SLC35F1: variants seen among roughly 807,000 people sequenced by gnomAD.
SLC35F1 encodes the protein chromosome 6 open reading frame 169.
In SLC35F1, 14 loss-of-function variants were observed where a neutral mutation model predicts 48.7. The ratio of observed to expected loss-of-function variants is 0.29; its 90% CI spans 0.19 to 0.45. The LOEUF is 0.45. SLC35F1 is among the 20% of genes least tolerant of loss of function. SLC35F1 has a pLI of 1.00. For synonymous variants in SLC35F1, 190 were observed against 202.2 expected, an observed-to-expected ratio of 0.94 and a Z score of 0.51; for missense variants, 404 against 500.0, an observed-to-expected ratio of 0.81 and a Z score of 1.83.
chr6:118,048,995 A>G (rs1336305844), intron 1 of SLC35F1, among the ~76,000 whole-genome samples: 1 of 152,084 alleles, frequency 6.6e-6, no homozygotes, highest in South Asian at 2.1e-4. Context: ...AAAACAGCAT[A>G]GTACTGGTAC....
intron 3 of SLC35F1, 88 bp from the exon 4 acceptor site, chr6:118,266,907 T>C (rs2114620228): frequency 6.8e-7 from 1 of 1,468,342 alleles, no homozygotes; most frequent in South Asian, 1.2e-5. Context: ...GCAGAACCCT[T>C]TCTGCAGAAC....
intron 1 of SLC35F1, among the ~76,000 whole-genome samples, chr6:118,151,306 T>C (rs1582696296): frequency 6.6e-6 from 1 of 152,272 alleles, no homozygotes; most frequent in East Asian, 1.9e-4. Context: ...ACCATCACTT[T>C]TATGAGTATA....
chr6:118,203,525 TCTAA>T (rs1429864624), intron 2 of SLC35F1, among the ~76,000 whole-genome samples: 2 of 152,218 alleles, frequency 1.3e-5, no homozygotes, highest in East Asian at 3.9e-4. Context: ...CAGTGCTTAA[TCTAA>T]CTATCTCCCT....
intron 1 of SLC35F1, among the ~76,000 whole-genome samples, chr6:118,084,788 C>A (rs1292037133): frequency 6.6e-6 from 1 of 151,858 alleles, no homozygotes; most frequent in Non-Finnish European, 1.5e-5. Context: ...AATGGGGACC[C>A]TTGCTCCTTT....
intron 1 of SLC35F1, among the ~76,000 whole-genome samples, chr6:118,008,765 C>T (rs566517820): frequency 1.1e-4 from 16 of 152,248 alleles, no homozygotes; most frequent in Admixed American, 3.3e-4. Flanking sequence ...ATGGCAACAG[C>T]CTCTGTTTAA....
intron 1 of SLC35F1, among the ~76,000 whole-genome samples, chr6:118,088,103 T>A (rs778136123): frequency 1.3e-5 from 2 of 152,236 alleles, no homozygotes; most frequent in Non-Finnish European, 2.9e-5. Context: ...TAATAGTTAC[T>A]TTTAATGGTT....
intron 1 of SLC35F1, among the ~76,000 whole-genome samples, chr6:118,092,192 C>A (rs1773083746): frequency 6.6e-6 from 1 of 152,164 alleles, no homozygotes; most frequent in Non-Finnish European, 1.5e-5. Context: ...GAGACCTTTG[C>A]AGCAGCCCCT....
chr6:117,938,396 A>G (rs943130906), intron 1 of SLC35F1, among the ~76,000 whole-genome samples: 1 of 152,214 alleles, frequency 6.6e-6, no homozygotes, highest in Non-Finnish European at 1.5e-5. Context: ...CGAAACCTTG[A>G]TTTGTTCCAA....
chr6:118,085,919 T>C (rs9481766), intron 1 of SLC35F1, among the ~76,000 whole-genome samples: 2,068 of 152,236 alleles, frequency 0.014, 40 homozygotes, highest in African/African-American at 0.046. Context: ...CTATGCTGAC[T>C]TCTGATGATC....
At chr6:118,301,647 A>T (rs1264061872) in intron 7 of SLC35F1, among the ~76,000 whole-genome samples, 1 of 152,240 alleles carries the variant, frequency 6.6e-6, no homozygotes, top group African/African-American at 2.4e-5. Flanking sequence ...TACAATGTTT[A>T]GGCATCTATA....
chr6:118,217,841 C>T (rs187276820), intron 2 of SLC35F1, among the ~76,000 whole-genome samples: 376 of 152,238 alleles, frequency 2.5e-3, no homozygotes, highest in Non-Finnish European at 2.9e-3. Flanking sequence ...GCAATTTTCT[C>T]TCCCGGAAAT....
chr6:118,142,933 G>A (rs1750150764), intron 1 of SLC35F1, among the ~76,000 whole-genome samples: 1 of 152,016 alleles, frequency 6.6e-6, no homozygotes, highest in Non-Finnish European at 1.5e-5. Context: ...TCTAAAATGA[G>A]GCATAACTCT....
At chr6:118,266,349 C>G (rs1437432388) in intron 3 of SLC35F1, among the ~76,000 whole-genome samples, 2 of 152,052 alleles carry the variant, frequency 1.3e-5, no homozygotes, top group Non-Finnish European at 2.9e-5. Flanking sequence ...TTGCTATACT[C>G]TATTCAACTT....
chr6:118,230,073 G>A (rs1163367556), intron 2 of SLC35F1, among the ~76,000 whole-genome samples: 1 of 152,178 alleles, frequency 6.6e-6, no homozygotes, highest in Admixed American at 6.5e-5. Flanking sequence ...CAGGCATGGT[G>A]GCTCTTGCCT....
chr6:118,015,535 G>A lies in SLC35F1; in HGVS notation c.173+107636G>A, dbSNP rs188924998. On this transcript the variant is annotated intron_variant, in intron 1 of 7. Coordinates refer to ENST00000360388, the MANE Select transcript of SLC35F1 (RefSeq NM_001029858.4). ...CATTTAGCTCCCACAGAGAACATGCGGTGTTTGGGTTTCTGTTCCTGCATT... is the reference window on the plus strand; with the variant it reads ...CATTTAGCTCCCACAGAGAACATGCAGTGTTTGGGTTTCTGTTCCTGCATT... 3.4e-3 allele frequency among the ~76,000 whole-genome samples: 513 copies of A among 151,374 alleles called. 2 individuals are homozygous for A. Among genetic ancestry groups the A allele is most frequent in the South Asian group, 0.013 (60 of 4,740 alleles).
chr6:118,167,650 G>C (rs1456488866), intron 2 of SLC35F1, among the ~76,000 whole-genome samples: 1 of 152,166 alleles, frequency 6.6e-6, no homozygotes, highest in Non-Finnish European at 1.5e-5. Context: ...TGCAAGGCTG[G>C]AAATTGCTCT....
At chr6:118,058,925 T>G (rs1163972560) in intron 1 of SLC35F1, among the ~76,000 whole-genome samples, 1 of 152,192 alleles carries the variant, frequency 6.6e-6, no homozygotes, top group Non-Finnish European at 1.5e-5. Flanking sequence ...CTACTGAAAT[T>G]TTTTGTGGGG....
intron 1 of SLC35F1, among the ~76,000 whole-genome samples, chr6:118,089,512 T>G (rs910250105): frequency 2.7e-4 from 41 of 152,204 alleles, no homozygotes; most frequent in Non-Finnish European, 4.8e-4. Context: ...TATTTCCTTT[T>G]GCTCATTTTT....
intron 1 of SLC35F1, among the ~76,000 whole-genome samples, chr6:118,076,389 G>GT (rs761164470): frequency 6.6e-6 from 1 of 152,148 alleles, no homozygotes; most frequent in Non-Finnish European, 1.5e-5. Flanking sequence ...AGACTGCATA[G>GT]TTTATAAAGA....
Sources: allele counts gnomAD v4.1 joint callset (sites outside exome capture counted in the v4.1 genomes callset), GRCh38; gene constraint gnomAD v4.1.1; transcripts MANE v1.5; gene names NCBI Gene and HGNC (gene_info 2026-07-23, HGNC 2026-07-21).